Variants in PLEKHA1 observed in about 807,000 individuals in gnomAD.
The protein encoded by PLEKHA1 is pleckstrin homology domain containing A1.
PLEKHA1 carries 34 observed loss-of-function variants against 52.0 expected under a neutral mutation model. That is an observed-to-expected ratio of 0.65 (90% CI 0.50 to 0.87). The LOEUF (loss-of-function observed/expected upper bound fraction) is 0.87. PLEKHA1 is among the 40% of genes least tolerant of loss of function. The pLI is 0.00. For missense variants in PLEKHA1, 497 were observed against 504.2 expected (o/e 0.99, Z 0.14); for synonymous variants, 163 against 170.7 (o/e 0.95, Z 0.35).
At chr10:122,429,587 G>GT in intron 11 of PLEKHA1, 37 bp from the exon 12 acceptor site, 1 of 1,591,332 alleles carries the variant, frequency 6.3e-7, no homozygotes, top group Non-Finnish European at 8.6e-7. Flanking sequence ...CTGGTCATGA[G>GT]TGACTGACCG....
chr10:122,380,026 T>C (rs746089420), intron 1 of PLEKHA1, among the ~76,000 whole-genome samples: 43 of 152,186 alleles, frequency 2.8e-4, no homozygotes, highest in Non-Finnish European at 5.4e-4. Flanking sequence ...ATAATATAAT[T>C]GTGTCTGGTT....
At chr10:122,433,429 C>T (rs2097427226), downstream of PLEKHA1, 1 of 152,208 alleles carries the variant, frequency 6.6e-6, no homozygotes, top group Admixed American at 6.5e-5. Flanking sequence ...GGATCTGTGC[C>T]CAGGGTGTAG....
intron 2 of PLEKHA1, among the ~76,000 whole-genome samples, chr10:122,394,368 G>A (rs1383066081): frequency 1.3e-5 from 2 of 152,010 alleles, no homozygotes; most frequent in Non-Finnish European, 2.9e-5. Context: ...GAGCCACCGC[G>A]CCCGGCCTTT....
chr10:122,405,056 G>A (rs2096988222), intron 4 of PLEKHA1, among the ~76,000 whole-genome samples: 1 of 152,136 alleles, frequency 6.6e-6, no homozygotes, highest in African/African-American at 2.4e-5. Context: ...TGCAGATGGT[G>A]TATAATAAAT....
In PLEKHA1 at chr10:122,429,933, G is replaced by A. The variant is rs751335255; in HGVS notation, c.1210G>A (p.Val404Met). Residue 404 changes from valine (V) to methionine (M), a missense_variant, in exon 12 of 12, where the codon GTG (valine) becomes ATG (methionine). Val to Met is a conservative substitution (Grantham distance 21). Transcript: ENST00000368990. Reference sequence around the variant, plus strand: ...CGATGCGAGCCTTCCGGTCAGTGACGTGTGAGGCAGAAGCGCACGGAGCCT... The same window carrying A: ...CGATGCGAGCCTTCCGGTCAGTGACATGTGAGGCAGAAGCGCACGGAGCCT... ...LDDASLPVSD[V>M] is the part of the protein sequence containing the mutation. 16 of 1,610,528 alleles carry A rather than the reference G, an allele frequency of 9.9e-6. No individual in the cohort carries two copies. The highest frequency in any genetic ancestry group is 2.2e-5 in the East Asian group (1 of 44,862).
intron 2 of PLEKHA1, among the ~76,000 whole-genome samples, chr10:122,395,004 A>G (rs1184321899): frequency 6.6e-6 from 1 of 152,254 alleles, no homozygotes; most frequent in African/African-American, 2.4e-5. Context: ...TTACACAGCT[A>G]GTAGAAGGAG....
At chr10:122,418,847 A>G (rs1381220170) in intron 8 of PLEKHA1, 4 of 152,284 alleles carry the variant, frequency 2.6e-5, no homozygotes, top group South Asian at 2.1e-4. Context: ...GGGAACTTAT[A>G]CTTTGTTTGA....
chr10:122,437,612 A>T, the PLEKHA1 span: 1 of 152,380 alleles, frequency 6.6e-6, no homozygotes, highest in African/African-American at 2.4e-5. Flanking sequence ...GGGGCGCTCC[A>T]ATATTAAGAG....
downstream of PLEKHA1, chr10:122,435,397 C>T (rs999602104): frequency 2.0e-5 from 3 of 152,080 alleles, no homozygotes; most frequent in African/African-American, 7.2e-5. Flanking sequence ...TAGTGCCTTA[C>T]TGTGGTATAT....
chr10:122,388,665 T>C (rs1038242240), intron 1 of PLEKHA1, among the ~76,000 whole-genome samples: 6 of 152,232 alleles, frequency 3.9e-5, no homozygotes, highest in Non-Finnish European at 8.8e-5. Flanking sequence ...AAAAAATGTA[T>C]ATACTATAAT....
intron 1 of PLEKHA1, among the ~76,000 whole-genome samples, chr10:122,385,521 G>T (rs1038070513): frequency 6.6e-6 from 1 of 151,982 alleles, no homozygotes; most frequent in African/African-American, 2.4e-5. Context: ...TCTCCGTGTT[G>T]GTCAGGCTGG....
Position 122,393,099 on chromosome 10 carries a change from C to A in PLEKHA1, c.-20-82C>A. ...CCTTACCTAATGTTGGCAAGTTGCC[C>A]CCTCATTGAACAGATTTGCAGTCCA... is the stretch of plus-strand genomic sequence containing the variant. On this transcript the variant is annotated intron_variant, in intron 1 of 11. Transcript: ENST00000368990. This position sits in a 1 kb window ranked among gnomAD's most constrained non-coding sequence, Gnocchi z 4.5. 1 of 1,121,868 alleles carries A rather than the reference C, an allele frequency of 8.9e-7. No individual in the cohort carries two copies. The highest frequency in any genetic ancestry group is 1.2e-6 in the Non-Finnish European group (1 of 815,044). The allele number at this position is 1,121,868 out of a possible 1,614,324, so 69.5% of individuals were successfully genotyped here.
chr10:122,411,780 G>T (rs929342384), intron 5 of PLEKHA1: 2 of 151,368 alleles, frequency 1.3e-5, no homozygotes, highest in Non-Finnish European at 1.5e-5. Context: ...GTGGTGTCCT[G>T]TAGTTCTACC....
intron 3 of PLEKHA1, among the ~76,000 whole-genome samples, chr10:122,398,736 G>A (rs2096886326): frequency 6.6e-6 from 1 of 152,006 alleles, no homozygotes; most frequent in South Asian, 2.1e-4. Flanking sequence ...ACTGAGATCT[G>A]TTGGCAAAGG....
intron 6 of PLEKHA1, 94 bp downstream of exon 6, chr10:122,413,139 G>A: frequency 9.4e-7 from 1 of 1,068,024 alleles, no homozygotes. Flanking sequence ...TTGCTTAATT[G>A]GTATAATATA....
chr10:122,433,073 C>T (rs985892773), downstream of PLEKHA1: 4 of 152,116 alleles, frequency 2.6e-5, no homozygotes, highest in African/African-American at 9.7e-5. Flanking sequence ...ATTGTCAGAT[C>T]CTGCTGCTTT....
chr10:122,427,658 A>C (rs987961358), intron 11 of PLEKHA1, among the ~76,000 whole-genome samples: 1 of 152,204 alleles, frequency 6.6e-6, no homozygotes, highest in Non-Finnish European at 1.5e-5. Context: ...ATACAACTAA[A>C]CATTCTGCTC....
At chr10:122,389,394 A>T (rs745970843) in intron 1 of PLEKHA1, among the ~76,000 whole-genome samples, 2 of 152,194 alleles carry the variant, frequency 1.3e-5, no homozygotes, top group Non-Finnish European at 2.9e-5. Flanking sequence ...AGTAAGTCTC[A>T]ATAGTGGGCT....
At chr10:122,422,928 C>G (rs1016518505) in intron 8 of PLEKHA1, 1 of 152,140 alleles carries the variant, frequency 6.6e-6, no homozygotes, top group Admixed American at 6.5e-5. Flanking sequence ...TACATATACT[C>G]TGTCACACAC....
Sources: gnomAD v4.1 joint callset for allele counts (sites outside exome capture counted in the v4.1 genomes callset) on GRCh38, gnomAD v4.1.1 for gene constraint, Gnocchi (gnomAD v3.1) non-coding constraint, MANE v1.5 for transcripts, NCBI Gene and HGNC (gene_info 2026-07-23, HGNC 2026-07-21) for gene names.